PEG3: variants seen among roughly 807,000 people sequenced by gnomAD.
PEG3 encodes paternally expressed 3, also known as paternally-expressed gene 3 protein.
In PEG3, 23 loss-of-function variants were observed where a neutral mutation model predicts 35.5. That is an observed-to-expected ratio of 0.65 (90% CI 0.47 to 0.92). The LOEUF is 0.92. PEG3 is among the 40% of genes least tolerant of loss of function. PEG3 has a pLI of 0.00. For synonymous variants in PEG3, 707 were observed against 697.0 expected, an observed-to-expected ratio of 1.01 and a Z score of -0.23; for missense variants, 1,960 against 1,985.3, an observed-to-expected ratio of 0.99 and a Z score of 0.24.
At position 56,813,472 on chromosome 19, in the gene PEG3, C is replaced by A. The variant is rs2059682095; in HGVS notation, c.*203G>T. The A allele has an allele frequency of 2.9e-6, 4 of 1,392,994 alleles. No individual in the cohort carries two copies. Among genetic ancestry groups the A allele is most frequent in the South Asian group, 1.8e-5 (1 of 57,068 alleles). The allele number at this position is 1,392,994 out of a possible 1,614,324, so 86.3% of individuals were successfully genotyped here. On this transcript the variant is annotated 3_prime_UTR_variant, in exon 10 of 10. Coordinates refer to ENST00000326441, the MANE Select transcript of PEG3 (RefSeq NM_006210.3). ...GCTATGGCTTTCCCACATGCAGACACTGACATCTGAAGGGGAAAGCTTAAG... is the reference window on the plus strand; with the variant it reads ...GCTATGGCTTTCCCACATGCAGACAATGACATCTGAAGGGGAAAGCTTAAG...
At chr19:56,825,490 CTTTAT>C (rs779394414) in intron 3 of PEG3, among the ~76,000 whole-genome samples, 9 of 152,190 alleles carry the variant, frequency 5.9e-5, no homozygotes, top group Non-Finnish European at 8.8e-5. Context: ...ATTTCCTTCT[CTTTAT>C]TTTATTATCT....
In PEG3 at chr19:56,813,423, A is replaced by C. The variant is rs1043899450; in HGVS notation, c.*252T>G. 2.3e-6 allele frequency: 3 copies of C among 1,296,838 alleles called. No individual in the cohort carries two copies. The highest frequency in any genetic ancestry group is 7.1e-5 in the Admixed American group (2 of 28,244). 80.3% of individuals were successfully genotyped at this position (1,296,838 alleles called of 1,614,324 possible). ...ATACTCATAGGGTTTTCTCAATCTG[A>C]TTACTTGGAAAGGTAAGATGTGTGC... On this transcript the variant is annotated 3_prime_UTR_variant, in exon 10 of 10. Coordinates refer to ENST00000326441, the MANE Select transcript of PEG3 (RefSeq NM_006210.3).
At position 56,815,605 on chromosome 19, in the gene PEG3, C is replaced by T; in HGVS notation, c.2837G>A (p.Ser946Asn). The T allele has an allele frequency of 2.5e-6, 4 of 1,614,126 alleles. No homozygotes were observed. Among genetic ancestry groups the T allele is most frequent in the Non-Finnish European group, 3.4e-6 (4 of 1,179,982 alleles). ...AGAGTGAATTACAGAGGTCTCATTGCTCCTATGCTCAATGTATTTCTTTTT... is the reference window on the plus strand; with the variant it reads ...AGAGTGAATTACAGAGGTCTCATTGTTCCTATGCTCAATGTATTTCTTTTT... ...RAKKKYIEHRSNETSVIHSLP... is the reference protein window; with the variant it reads ...RAKKKYIEHRNNETSVIHSLP... Residue 946 changes from serine (S) to asparagine (N), a missense_variant, in exon 10 of 10, where the codon AGC (serine) becomes AAC (asparagine). Physicochemically the swap from Ser to Asn is conservative, Grantham distance 46. Around this residue, in one of 5 missense-constraint regions of PEG3, gnomAD observed 798 missense variants for 782.4 expected, o/e 1.02. Transcript: ENST00000326441.
At position 56,816,495 on chromosome 19, in the gene PEG3, A is replaced by G. The variant is rs1316648735; in HGVS notation, c.1947T>C (p.His649=). ...SSSLKEHQKI[H]TRGNPFENKG... ...TGTTTTCAAATGGGTTCCCTCTAGT[A>G]TGGATTTTCTGATGTTCTTTCAGGG... Residue 649 remains histidine (H), a synonymous_variant, in exon 10 of 10, where the codon CAT becomes CAC. Coordinates refer to ENST00000326441, the MANE Select transcript of PEG3 (RefSeq NM_006210.3). 1.2e-6 allele frequency: 2 copies of G among 1,613,436 alleles called. No individual in the cohort carries two copies. The highest frequency in any genetic ancestry group is 1.7e-6 in the Non-Finnish European group (2 of 1,179,592).
intron 2 of PEG3, among the ~76,000 whole-genome samples, chr19:56,831,971 G>A (rs1173634264): frequency 2.0e-5 from 3 of 152,110 alleles, no homozygotes; most frequent in Non-Finnish European, 4.4e-5. Flanking sequence ...TTTAATAAAT[G>A]GCATGATCTC....
intron 2 of PEG3, among the ~76,000 whole-genome samples, chr19:56,829,096 A>C (rs990415762): frequency 1.3e-5 from 2 of 152,256 alleles, no homozygotes; most frequent in Non-Finnish European, 2.9e-5. Flanking sequence ...CACGCCTGTA[A>C]TCCCAGCACT....
chr19:56,839,907 C>A (rs1462509402), intron 1 of PEG3, among the ~76,000 whole-genome samples: 6 of 152,240 alleles, frequency 3.9e-5, no homozygotes, highest in African/African-American at 1.4e-4. Flanking sequence ...CCAACCAAGG[C>A]AGCTCCTGCG....
rs750082564 is a variant in PEG3 at position 56,815,030 on chromosome 19, G to A, written c.3412C>T (p.Arg1138Trp). Residue 1138 changes from arginine (R) to tryptophan (W), a missense_variant, in exon 10 of 10, where the codon CGG (arginine) becomes TGG (tryptophan). Arg to Trp is a moderately radical substitution (Grantham distance 101, BLOSUM62 -3). Transcript: ENST00000326441. ...TGAATTACAGAATGTGTGTACTCCC[G>A]ACTGTCAACCAGGCACTTCCTGCTG... ...VHSRKCLVDS[R>W]EYTHSVIHTH... The A allele has an allele frequency of 1.1e-5, 17 of 1,614,130 alleles. No homozygotes were observed. The South Asian group carries it at 1.2e-4, about 11-fold the overall frequency.
In PEG3 at chr19:56,817,443, C is replaced by A. The variant is rs773557537; in HGVS notation, c.999G>T (p.Glu333Asp). The change falls in exon 10 of 10, where the codon GAG becomes GAT. Residue 333 changes from glutamate (E) to aspartate (D), a missense_variant. Around this residue, in one of 5 missense-constraint regions of PEG3, gnomAD observed 613 missense variants for 577.1 expected, o/e 1.06. Transcript: ENST00000326441. ...SRSSKSGRARESSDRSQRFPR... is the reference protein window; with the variant it reads ...SRSSKSGRARDSSDRSQRFPR... The stretch of plus-strand genomic sequence containing the variant: ...GGAATCTCTGTGACCGGTCGCTTGA[C>A]TCCCTTGCTCTTCCCGATTTGGAAC... The A allele has an allele frequency of 1.1e-5, 17 of 1,614,102 alleles. No homozygotes were observed. Among genetic ancestry groups the A allele is most frequent in the Non-Finnish European group, 1.4e-5 (17 of 1,179,952 alleles).
At chr19:56,827,492 A>G (rs1268486960) in intron 2 of PEG3, among the ~76,000 whole-genome samples, 1 of 152,186 alleles carries the variant, frequency 6.6e-6, no homozygotes, top group Non-Finnish European at 1.5e-5. Flanking sequence ...AAGGCTTTGG[A>G]AACAAAACAA....
chr19:56,824,350 G>T lies in PEG3; in HGVS notation c.306C>A (p.Leu102=), dbSNP rs185251512. 8.3e-5 allele frequency: 134 copies of T among 1,614,096 alleles called. No homozygotes were observed. In the East Asian group the frequency reaches 2.9e-3, roughly 35 times the overall value. ...EQYLTIIPEK[L]KPWVRAKKPE... ...GCTTTTTTGCTCGCACCCAAGGCTT[G>T]AGCTTTTCAGGGATGATGGTCAGGT... Residue 102 remains leucine, a synonymous_variant, in exon 4 of 10, where the codon CTC becomes CTA. Transcript: ENST00000326441.
At position 56,817,333 on chromosome 19, in the gene PEG3, G is replaced by A. The variant is rs770236115; in HGVS notation, c.1109C>T (p.Ala370Val). Residue 370 changes from alanine to valine, a missense_variant, in exon 10 of 10, where the codon GCA (alanine) becomes GTA (valine). Ala to Val is a moderately conservative substitution (Grantham distance 64). Coordinates refer to ENST00000326441, the MANE Select transcript of PEG3 (RefSeq NM_006210.3). The stretch of plus-strand genomic sequence containing the variant: ...ATTAAACCTAAAGCCTCCCCTAAAT[G>A]CATTCCCTTCATAAACCCGCTGCTG... The part of the protein sequence containing the change: ...VIQQRVYEGN[A>V]FRGGFRFNST... 1.2e-6 allele frequency: 2 copies of A among 1,613,908 alleles called. No homozygotes were observed. The highest frequency in any genetic ancestry group is 4.5e-5 in the East Asian group (2 of 44,874).
chr19:56,813,395 G>T lies in PEG3; in HGVS notation c.*280C>A. On this transcript the variant is annotated 3_prime_UTR_variant, in exon 10 of 10. Transcript: ENST00000326441. Reference sequence around the variant, plus strand: ...TTGATTTGGGCAAACTCTGTAGTCTGGAATACTCATAGGGTTTTCTCAATC... The same window carrying T: ...TTGATTTGGGCAAACTCTGTAGTCTTGAATACTCATAGGGTTTTCTCAATC... The T allele has an allele frequency of 4.1e-6, 5 of 1,227,786 alleles. No individual in the cohort carries two copies. Among genetic ancestry groups the T allele is most frequent in the Non-Finnish European group, 5.1e-6 (5 of 980,650 alleles). 76.1% of individuals were successfully genotyped at this position (1,227,786 alleles called of 1,614,324 possible).
chr19:56,812,563 G>A lies in PEG3; in HGVS notation c.*1112C>T. 2 of 985,784 alleles carry A rather than the reference G, an allele frequency of 2.0e-6. No homozygotes were observed. The highest frequency in any genetic ancestry group is 1.1e-4 in the East Asian group (1 of 8,800). 61.1% of individuals were successfully genotyped at this position (985,784 alleles called of 1,614,324 possible). On this transcript the variant is annotated 3_prime_UTR_variant, in exon 10 of 10. Transcript: ENST00000326441. The stretch of plus-strand genomic sequence containing the variant: ...CTGACTTGTGGCAGCATAAGCTGAT[G>A]CTGCACAGGGGACCCAAGCCATGTT...
Position 56,816,830 on chromosome 19 carries a change from G to C in PEG3, c.1612C>G (p.Gln538Glu). The change falls in exon 10 of 10, where the codon CAG (glutamine) becomes GAG (glutamate). Residue 538 changes from glutamine (Q) to glutamate (E), a missense_variant. Transcript: ENST00000326441. ...GGCATGAAGGCTTCCTCACATTCCT[G>C]ATTCTTACATTCCACAAGATAACCT... ...ARGYLVECKN[Q>E]ECEEAFMPSP... 2.5e-6 allele frequency: 4 copies of C among 1,614,112 alleles called. No homozygotes were observed. The South Asian group carries it at 3.3e-5, about 13-fold the overall frequency.
In PEG3 at chr19:56,815,777, G is replaced by A. The variant is rs751288968; in HGVS notation, c.2665C>T (p.Arg889Cys). The change falls in exon 10 of 10, where the codon CGC becomes TGC. Residue 889 changes from arginine to cysteine, a missense_variant. Coordinates refer to ENST00000326441, the MANE Select transcript of PEG3 (RefSeq NM_006210.3). Reference protein sequence around the residue: ...ENPCEGGSKNRNYEDSVIQSV... With the variant: ...ENPCEGGSKNCNYEDSVIQSV... ...TGTATGACAGAGTCTTCATAGTTGC[G>A]ATTCTTACTGCCCCCTTCACAAGGG... is the stretch of plus-strand genomic sequence containing the variant. 3.1e-6 allele frequency: 5 copies of A among 1,613,660 alleles called. No homozygotes were observed. The highest frequency in any genetic ancestry group is 3.3e-5 in the Admixed American group (2 of 60,010).
chr19:56,819,280 T>C (rs557217693), intron 7 of PEG3, among the ~76,000 whole-genome samples: 10 of 152,294 alleles, frequency 6.6e-5, no homozygotes, highest in Non-Finnish European at 1.5e-4. Flanking sequence ...CATGGCTACA[T>C]TGAGGGAGTC....
intron 1 of PEG3, among the ~76,000 whole-genome samples, chr19:56,837,106 T>C (rs1052064385): frequency 1.3e-5 from 2 of 150,752 alleles, no homozygotes; most frequent in Non-Finnish European, 2.9e-5. Context: ...CAGGGCTAGG[T>C]AAGTGAGCTC....
Position 56,813,157 on chromosome 19 carries a change from A to C in PEG3, c.*518T>G, listed in dbSNP as rs749265123. ...CACAATAAATCTTTCTCAGGATCTAAGACACTTAAAAATATAATCAAATTT... is the reference window on the plus strand; with the variant it reads ...CACAATAAATCTTTCTCAGGATCTACGACACTTAAAAATATAATCAAATTT... On this transcript the variant is annotated 3_prime_UTR_variant, in exon 10 of 10. Coordinates refer to ENST00000326441, the MANE Select transcript of PEG3 (RefSeq NM_006210.3). 1 of 982,646 alleles carries C rather than the reference A, an allele frequency of 1.0e-6. No individual in the cohort carries two copies. The highest frequency in any genetic ancestry group is 1.2e-6 in the Non-Finnish European group (1 of 827,408). 60.9% of individuals were successfully genotyped at this position (982,646 alleles called of 1,614,324 possible).
Sources: gnomAD v4.1 joint callset for allele counts (sites outside exome capture counted in the v4.1 genomes callset) on GRCh38, gnomAD v4.1.1 for gene constraint, gnomAD v4.1.1 regional missense constraint, MANE v1.5 for transcripts, NCBI Gene and HGNC (gene_info 2026-07-23, HGNC 2026-07-21) for gene names.